The following CDC42BPB variants were observed in gnomAD, a reference collection of about 807,000 sequenced individuals.
CDC42BPB encodes serine/threonine-protein kinase MRCK beta.
In CDC42BPB, 37 loss-of-function variants were observed where a neutral mutation model predicts 214.9. The observed-to-expected ratio is 0.17, with a 90% CI of 0.13 to 0.23. The LOEUF (loss-of-function observed/expected upper bound fraction) is 0.23, where lower values mean the gene tolerates loss of function less well. Among genes scored for constraint, CDC42BPB ranks in the 10% least tolerant of loss-of-function variants. The probability of loss-of-function intolerance (pLI) is 1.00; values close to 1 mark genes in which losing one functional copy is unlikely to be tolerated. For synonymous variants in CDC42BPB, 931 were observed against 884.0 expected, an observed-to-expected ratio of 1.05 and a Z score of -0.94; for missense variants, 1,694 against 2,227.0, an observed-to-expected ratio of 0.76 and a Z score of 4.82.
At position 102,944,615 on chromosome 14, in the gene CDC42BPB, C is replaced by T. The variant is rs1382127830; in HGVS notation, c.3812-128G>A. 6.8e-7 allele frequency: 1 copy of T among 1,460,470 alleles called. No homozygotes were observed. The highest frequency in any genetic ancestry group is 9.0e-7 in the Non-Finnish European group (1 of 1,107,494). 90.5% of individuals were successfully genotyped at this position (1,460,470 alleles called of 1,614,324 possible). ...CCCCTGGGCTCCCTTCCTGTGTGCA[C>T]AGCCTGAGCCCGGCCCTGAGCCCGT... On this transcript the variant is annotated intron_variant, in intron 29 of 36. Transcript: ENST00000361246. This position sits in a 1 kb window ranked among gnomAD's most constrained non-coding sequence, Gnocchi z 6.6.
chr14:102,954,534 A>G, intron 22 of CDC42BPB, 68 bp downstream of exon 22: 1 of 1,474,598 alleles, frequency 6.8e-7, no homozygotes, highest in Non-Finnish European at 9.4e-7. Flanking sequence ...CCAGGTGAGC[A>G]GCATCTGGTC....
In CDC42BPB at chr14:102,944,625, C is replaced by A. The variant is rs1172257053; in HGVS notation, c.3812-138G>T. 6.9e-7 allele frequency: 1 copy of A among 1,453,354 alleles called. No individual in the cohort carries two copies. The highest frequency in any genetic ancestry group is 9.1e-7 in the Non-Finnish European group (1 of 1,103,508). 90.0% of individuals were successfully genotyped at this position (1,453,354 alleles called of 1,614,324 possible). ...CCCTTCCTGTGTGCACAGCCTGAGC[C>A]CGGCCCTGAGCCCGTCTCTGCCCAC... On this transcript the variant is annotated intron_variant, in intron 29 of 36. Transcript: ENST00000361246. This position sits in a 1 kb window ranked among gnomAD's most constrained non-coding sequence, Gnocchi z 6.6.
rs772835812 is a variant in CDC42BPB, at chr14:103,001,545, G to A, written c.448-1832C>T. On this transcript the variant is annotated intron_variant, in intron 4 of 36. Coordinates refer to ENST00000361246, the MANE Select transcript of CDC42BPB (RefSeq NM_006035.4). This position sits in a 1 kb window ranked among gnomAD's most constrained non-coding sequence, Gnocchi z 5.8. Reference sequence around the variant, plus strand: ...TGGAGCCTGCCAAAAGGGGAGGGCCGGCCACAGTGGGGGCTGCAGCCCCAC... The same window carrying A: ...TGGAGCCTGCCAAAAGGGGAGGGCCAGCCACAGTGGGGGCTGCAGCCCCAC... Among the ~76,000 whole-genome samples, 6 of 152,180 alleles carry A rather than the reference G, an allele frequency of 3.9e-5. No individual in the cohort carries two copies. The highest frequency in any genetic ancestry group is 2.0e-4 in the Admixed American group (3 of 15,292).
At position 102,957,016 on chromosome 14, in the gene CDC42BPB, T is replaced by C. The variant is rs1442800548; in HGVS notation, c.2902-2328A>G. Among the ~76,000 whole-genome samples, 4 of 38,278 alleles carry C rather than the reference T, an allele frequency of 1.0e-4. No individual in the cohort carries two copies. The Admixed American group carries it at 1.7e-3, about 16-fold the overall frequency. The allele number at this position is 38,278 out of a possible 152,430, so 25.1% of individuals were successfully genotyped here. ...CGACATGGTGAAACCCCATCTCTAC[T>C]AAAAATACAAAAAAAAAAAAAAAAA... On this transcript the variant is annotated intron_variant, in intron 21 of 36. Coordinates refer to ENST00000361246, the MANE Select transcript of CDC42BPB (RefSeq NM_006035.4).
chr14:102,944,092 C>T lies in CDC42BPB; in HGVS notation c.4207G>A (p.Gly1403Arg), dbSNP rs548093157. The T allele has an allele frequency of 6.1e-5, 99 of 1,613,450 alleles. No individual in the cohort carries two copies. The highest frequency in any genetic ancestry group is 2.7e-4 in the South Asian group (25 of 91,078). ...GFCLLSIQGDGQPLNLVNPND... is the reference protein window; with the variant it reads ...GFCLLSIQGDRQPLNLVNPND... Reference sequence around the variant, plus strand: ...GGATTTACCAGGTTTAGAGGCTGCCCGTCCCCCTGGATGCTCAGCAGGCAG... The same window carrying T: ...GGATTTACCAGGTTTAGAGGCTGCCTGTCCCCCTGGATGCTCAGCAGGCAG... Residue 1403 changes from glycine to arginine, a missense_variant, in exon 30 of 37, where the codon GGG becomes AGG. Gly to Arg is a moderately radical substitution (Grantham distance 125). This residue lies in a region of CDC42BPB where 567 missense variants were observed against 790.3 expected (regional missense o/e 0.72). Coordinates refer to ENST00000361246, the MANE Select transcript of CDC42BPB (RefSeq NM_006035.4). The surrounding 1 kb of genome is among the most constrained non-coding windows in gnomAD (Gnocchi z 6.6).
chr14:102,969,522 A>G (rs909997947), intron 14 of CDC42BPB, among the ~76,000 whole-genome samples: 21 of 152,212 alleles, frequency 1.4e-4, no homozygotes, highest in African/African-American at 4.3e-4. Context: ...GAGGAACAGC[A>G]TCTCAGGCCC....
At position 102,968,456 on chromosome 14, in the gene CDC42BPB, G is replaced by T. The variant is rs375569931; in HGVS notation, c.2240+16C>A. 32 of 1,613,620 alleles carry T rather than the reference G, an allele frequency of 2.0e-5. No individual in the cohort carries two copies. Among genetic ancestry groups the T allele is most frequent in the Non-Finnish European group, 2.6e-5 (31 of 1,179,864 alleles). On this transcript the variant is annotated intron_variant, in intron 15 of 36. Transcript: ENST00000361246. ...CAGCTTGCATCTTCTGAACTGAGAA[G>T]CTCATGAAAACCTACCGTTCTCGCT... is the stretch of plus-strand genomic sequence containing the variant.
chr14:102,935,173 A>C (rs868612409), intron 36 of CDC42BPB, among the ~76,000 whole-genome samples: 6 of 152,354 alleles, frequency 3.9e-5, no homozygotes, highest in East Asian at 1.9e-4. Context: ...AAGTAAAGCT[A>C]TCTCTCTTTG....
rs562474406 is a variant in CDC42BPB at position 102,932,556 on chromosome 14, G to C, written c.*1156C>G. ...GGCAGTGGGGTGGCAGGGCTAGGCG[G>C]TGCTGGGCCACTCAGTGCCGACTTG... On this transcript the variant is annotated 3_prime_UTR_variant, in exon 37 of 37. Coordinates refer to ENST00000361246, the MANE Select transcript of CDC42BPB (RefSeq NM_006035.4). 1.3e-5 allele frequency: 2 copies of C among 152,502 alleles called. No homozygotes were observed. The highest frequency in any genetic ancestry group is 2.9e-5 in the Non-Finnish European group (2 of 68,038). The allele number at this position is 152,502 out of a possible 1,614,324, so 9.4% of individuals were successfully genotyped here.
chr14:102,942,592 T>A (rs1891947117), intron 30 of CDC42BPB, among the ~76,000 whole-genome samples: 1 of 152,246 alleles, frequency 6.6e-6, no homozygotes. Flanking sequence ...TCTCCCAGGC[T>A]AGAGTGTAGT....
Position 102,971,061 on chromosome 14 carries a change from CAG to C in CDC42BPB, c.1885-802_1885-801del, listed in dbSNP as rs543116060. Among the ~76,000 whole-genome samples the C allele has an allele frequency of 3.3e-4, 50 of 152,334 alleles. No homozygotes were observed. In the East Asian group the frequency reaches 9.6e-3, roughly 29 times the overall value. On this transcript the variant is annotated intron_variant, in intron 13 of 36. Transcript: ENST00000361246. ...TGCAAACCCTGGGGTCCTGAGACATCAGGGGTGTGCAAGGCCCTTCCTTTCCT... is the reference window on the plus strand; with the variant it reads ...TGCAAACCCTGGGGTCCTGAGACATCGGGTGTGCAAGGCCCTTCCTTTCCT...
Position 102,981,016 on chromosome 14 carries a change from T to A in CDC42BPB, c.897A>T (p.Arg299=). The A allele has an allele frequency of 6.2e-7, 1 of 1,614,120 alleles. No homozygotes were observed. The highest frequency in any genetic ancestry group is 8.5e-7 in the Non-Finnish European group (1 of 1,180,014). ...CCGTGACATGGGATGGGAACTGGAA[T>A]CGCTCCTGCAAGGGGTGGCAAAAAC... The part of the protein sequence containing the change: ...TYGKIMNHEE[R]FQFPSHVTDV... The change falls in exon 8 of 37, where the codon CGA becomes CGT. Residue 299 remains arginine (R), a synonymous_variant. Transcript: ENST00000361246.
chr14:102,970,052 GC>G, intron 14 of CDC42BPB, 98 bp downstream of exon 14: 1 of 960,234 alleles, frequency 1.0e-6, no homozygotes, highest in Non-Finnish European at 1.6e-6. Flanking sequence ...GTGACACTCG[GC>G]CCGGACCACA....
chr14:102,945,379 A>G, intron 29 of CDC42BPB: 2 of 531,466 alleles, frequency 3.8e-6, no homozygotes, highest in South Asian at 1.7e-5. Context: ...GTGAAGCCTC[A>G]GCACATGTGG....
chr14:102,976,294 T>A, intron 9 of CDC42BPB: 1 of 722,186 alleles, frequency 1.4e-6, no homozygotes, highest in Non-Finnish European at 1.7e-6. Context: ...AAATGGCATT[T>A]CTAAATCATC....
At chr14:102,960,124 G>A (rs183038537) in intron 20 of CDC42BPB, among the ~76,000 whole-genome samples, 1 of 151,550 alleles carries the variant, frequency 6.6e-6, no homozygotes, top group Non-Finnish European at 1.5e-5. Context: ...GGAGAATCTC[G>A]AGCCCAGGAG....
chr14:103,018,292 A>G (rs1410043705), intron 1 of CDC42BPB, among the ~76,000 whole-genome samples: 1 of 152,208 alleles, frequency 6.6e-6, no homozygotes, highest in Admixed American at 6.5e-5. Flanking sequence ...AAAGTATTCA[A>G]TGGCAAACAG....
intron 1 of CDC42BPB, among the ~76,000 whole-genome samples, chr14:103,044,726 G>A (rs1888197677): frequency 6.6e-6 from 1 of 150,424 alleles, no homozygotes; most frequent in Non-Finnish European, 1.5e-5. Context: ...GCTGAAGCTG[G>A]TCTTGAACTC....
intron 1 of CDC42BPB, among the ~76,000 whole-genome samples, chr14:103,055,813 T>C (rs1419553198): frequency 2.0e-5 from 3 of 152,256 alleles, no homozygotes; most frequent in Non-Finnish European, 4.4e-5. Flanking sequence ...GGCCTCACTG[T>C]GGAACACTTT....
Sources: allele counts gnomAD v4.1 joint callset (sites outside exome capture counted in the v4.1 genomes callset), GRCh38; gene constraint gnomAD v4.1.1; regional missense constraint gnomAD v4.1.1; non-coding constraint Gnocchi (gnomAD v3.1); transcripts MANE v1.5; gene names NCBI Gene and HGNC (gene_info 2026-07-23, HGNC 2026-07-21).